The following RHCE variants were observed in gnomAD, a reference collection of about 807,000 sequenced individuals.
RHCE encodes the protein blood group Rh(CE) polypeptide.
A neutral mutation model predicts 43.8 loss-of-function variants in RHCE; 22 were observed. The ratio of observed to expected loss-of-function variants is 0.50; its 90% CI spans 0.36 to 0.72. The LOEUF is 0.72. Among genes scored for constraint, RHCE ranks in the 30% least tolerant of loss-of-function variants. RHCE has a pLI of 0.00. For missense variants in RHCE, 385 were observed against 525.4 expected, an observed-to-expected ratio of 0.73 and a Z score of 2.61; for synonymous variants, 156 against 210.7, an observed-to-expected ratio of 0.74 and a Z score of 2.25.
intron 7 of RHCE, among the ~76,000 whole-genome samples, chr1:25,381,457 CTT>C (rs757669054): frequency 3.1e-4 from 42 of 134,166 alleles, no homozygotes; most frequent in Non-Finnish European, 3.2e-4. Flanking sequence ...TTTTCTTTTT[CTT>C]TTTTTTTTTT....
At chr1:25,369,533 CCTT>C (rs1328279365) in intron 9 of RHCE, among the ~76,000 whole-genome samples, 1 of 151,424 alleles carries the variant, frequency 6.6e-6, no homozygotes, top group African/African-American at 2.4e-5. Context: ...ACCTTCTTCA[CCTT>C]CTTTCTAGCC....
At chr1:25,362,697 A>G in intron 9 of RHCE, 144 bp from the exon 10 acceptor site, 1 of 540,280 alleles carries the variant, frequency 1.9e-6, no homozygotes, top group South Asian at 2.1e-5. Flanking sequence ...TCTTGGATAT[A>G]TAGGTTTTAT....
Position 25,392,137 on chromosome 1 carries a change from T to C in RHCE, c.491A>G (p.Asp164Gly). The change falls in exon 4 of 10, where the codon GAC becomes GGC. Residue 164 changes from aspartate to glycine, a missense_variant. Physicochemically the swap from Asp to Gly is moderately conservative, Grantham distance 94. Transcript: ENST00000294413. ...GAAGTGCCTCAGGTTCATGTGGTAG[T>C]CTGTCTGCAATAAAACCCAGTAAGA... ...RMVISNIFNT[D>G]YHMNLRHFYV... is the part of the protein sequence containing the mutation. 1.2e-6 allele frequency: 2 copies of C among 1,614,176 alleles called. No homozygotes were observed. Among genetic ancestry groups the C allele is most frequent in the Non-Finnish European group, 1.7e-6 (2 of 1,180,010 alleles).
chr1:25,399,237 C>T, intron 3 of RHCE: 1 of 782,542 alleles, frequency 1.3e-6, no homozygotes, highest in Non-Finnish European at 2.3e-6. Flanking sequence ...TTGATGTATG[C>T]CTCTTTGCCT....
At chr1:25,380,556 G>A (rs686418) in intron 7 of RHCE, among the ~76,000 whole-genome samples, 6 of 152,326 alleles carry the variant, frequency 3.9e-5, no homozygotes, top group East Asian at 1.9e-4. Flanking sequence ...ATGTAGGTGG[G>A]AGAAGGCATG....
At chr1:25,411,514 C>T in intron 1 of RHCE, 1 of 1,505,164 alleles carries the variant, frequency 6.6e-7, no homozygotes, top group Admixed American at 2.1e-5. Flanking sequence ...CTGACATTTC[C>T]AAATCAACCT....
Position 25,402,714 on chromosome 1 carries a change from A to G in RHCE, c.368T>C (p.Val123Ala), listed in dbSNP as rs1474292466. The stretch of plus-strand genomic sequence containing the variant: ...CAAGACAGCACCCGCTGAGATCAGC[A>G]CCGACATAGCACTCATGGTGGCCAG... ...IRLATMSAMS[V>A]LISAGAVLGK... is the part of the protein sequence containing the mutation. The change falls in exon 3 of 10, where the codon GTG becomes GCG. Residue 123 changes from valine (V) to alanine (A), a missense_variant. By Grantham distance (64) the Val-to-Ala change is moderately conservative (BLOSUM62 0). This residue lies in a region of RHCE where 110 missense variants were observed against 192.1 expected (regional missense o/e 0.57). Transcript: ENST00000294413. 1 of 1,614,068 alleles carries G rather than the reference A, an allele frequency of 6.2e-7. No homozygotes were observed. The highest frequency in any genetic ancestry group is 8.5e-7 in the Non-Finnish European group (1 of 1,180,050).
At chr1:25,414,721 G>A (rs532484679) in intron 1 of RHCE, among the ~76,000 whole-genome samples, 1 of 152,226 alleles carries the variant, frequency 6.6e-6, no homozygotes, top group African/African-American at 2.4e-5. Context: ...GGGAAGCTCT[G>A]CCTGGTAGGC....
chr1:25,426,644 C>G (rs986987160), intron 2 of RHCE, among the ~76,000 whole-genome samples: 70 of 152,304 alleles, frequency 4.6e-4, no homozygotes, highest in African/African-American at 1.6e-3. Context: ...ATAGTTAGTG[C>G]TGTGTATAAT....
At chr1:25,395,223 G>A (rs2124445188) in intron 3 of RHCE, among the ~76,000 whole-genome samples, 2 of 144,010 alleles carry the variant, frequency 1.4e-5, no homozygotes, top group Admixed American at 1.4e-4. Flanking sequence ...AAATGACCCA[G>A]GGGACTGATC....
chr1:25,416,423 C>T (rs1557644160), intron 1 of RHCE, among the ~76,000 whole-genome samples: 3 of 151,520 alleles, frequency 2.0e-5, no homozygotes, highest in Non-Finnish European at 4.4e-5. Context: ...GCCACCATAC[C>T]CAGCTAATTT....
chr1:25,425,288 C>T (rs1221383670), upstream of RHCE, among the ~76,000 whole-genome samples: 4 of 152,172 alleles, frequency 2.6e-5, no homozygotes, highest in Non-Finnish European at 4.4e-5. Flanking sequence ...ATGCCAAGCA[C>T]GGAACCAATC....
rs146658362 is a variant in RHCE at position 25,419,245 on chromosome 1, T to C, written c.148+1394A>G. 1.6e-3 allele frequency among the ~76,000 whole-genome samples: 239 copies of C among 152,350 alleles called. 2 individuals carry two copies. Among genetic ancestry groups the C allele is most frequent in the African/African-American group, 5.2e-3 (217 of 41,582 alleles). ...TCATAAATATCAGTTCTAATCATCA[T>C]GTGTCTGGATCCCACATTGGATGTC... On this transcript the variant is annotated intron_variant, in intron 1 of 9. Transcript: ENST00000294413.
intron 2 of RHCE, among the ~76,000 whole-genome samples, chr1:25,427,241 G>C (rs532680084): frequency 3.0e-4 from 45 of 152,268 alleles, no homozygotes; most frequent in Admixed American, 2.6e-3. Flanking sequence ...TGTGAAACAG[G>C]GTTTAATGAT....
chr1:25,389,954 GA>G (rs918402494), intron 5 of RHCE, among the ~76,000 whole-genome samples: 2 of 152,022 alleles, frequency 1.3e-5, no homozygotes, highest in African/African-American at 4.8e-5. Flanking sequence ...TGTCACCATG[GA>G]ACTCATGGCC....
At chr1:25,376,569 A>G (rs1557602062) in intron 7 of RHCE, among the ~76,000 whole-genome samples, 2 of 152,196 alleles carry the variant, frequency 1.3e-5, no homozygotes, top group East Asian at 1.9e-4. Context: ...TCCCTACCTC[A>G]TAAGATCATA....
intron 7 of RHCE, among the ~76,000 whole-genome samples, chr1:25,375,732 G>C (rs1645763567): frequency 6.8e-6 from 1 of 146,802 alleles, no homozygotes; most frequent in Non-Finnish European, 1.5e-5. Context: ...TCACTTACTA[G>C]CTGCAAGACC....
At chr1:25,393,592 G>T (rs1470085815) in intron 3 of RHCE, among the ~76,000 whole-genome samples, 1 of 151,942 alleles carries the variant, frequency 6.6e-6, no homozygotes, top group Non-Finnish European at 1.5e-5. Flanking sequence ...CTGCACTCCA[G>T]CTTCGGCGAC....
intron 7 of RHCE, among the ~76,000 whole-genome samples, chr1:25,384,627 C>T (rs1039524604): frequency 2.6e-5 from 4 of 152,208 alleles, no homozygotes; most frequent in East Asian, 1.9e-4. Flanking sequence ...GTCTCACCCA[C>T]TGATATGTGA....
Sources: gnomAD v4.1 joint callset for allele counts (sites outside exome capture counted in the v4.1 genomes callset) on GRCh38, gnomAD v4.1.1 for gene constraint, gnomAD v4.1.1 regional missense constraint, MANE v1.5 for transcripts, NCBI Gene and HGNC (gene_info 2026-07-23, HGNC 2026-07-21) for gene names.